The following MYO3A variants were observed in gnomAD, a reference collection of about 807,000 sequenced individuals.
The protein encoded by MYO3A is myosin IIIA.
In MYO3A, 180 loss-of-function variants were observed where a neutral mutation model predicts 192.7. That is an observed-to-expected ratio of 0.93 (90% CI 0.83 to 1.06). The LOEUF is 1.06. Among genes scored for constraint, MYO3A ranks in the 50% least tolerant of loss-of-function variants. The probability of loss-of-function intolerance (pLI) is 0.00; values close to 1 mark genes in which losing one functional copy is unlikely to be tolerated. For missense variants in MYO3A, 1,896 were observed against 1,905.0 expected (o/e 1.00, Z 0.09); for synonymous variants, 628 against 645.3 (o/e 0.97, Z 0.41).
intron 29 of MYO3A, among the ~76,000 whole-genome samples, chr10:26,173,355 A>AC (rs1842149017): frequency 6.6e-6 from 1 of 152,178 alleles, no homozygotes; most frequent in Non-Finnish European, 1.5e-5. Flanking sequence ...AAAAGGATAT[A>AC]TTTTGAAAGG....
chr10:26,154,645 T>C (rs1419048859), intron 24 of MYO3A, 101 bp from the exon 25 acceptor site: 6 of 1,002,722 alleles, frequency 6.0e-6, no homozygotes, highest in African/African-American at 1.6e-5. Flanking sequence ...CATATTTGAA[T>C]GCATAAACTA....
Position 26,174,051 on chromosome 10 carries a change from A to G in MYO3A, c.3787A>G (p.Ile1263Val), listed in dbSNP as rs1842187692. 1.2e-6 allele frequency: 2 copies of G among 1,614,018 alleles called. No individual in the cohort carries two copies. Among genetic ancestry groups the G allele is most frequent in the Non-Finnish European group, 1.7e-6 (2 of 1,180,018 alleles). Reference sequence around the variant, plus strand: ...AGCAGCATATCTAGAAAGGAAGGCCATATCAGAAAGGCCAAGCTACCCAGT... The same window carrying G: ...AGCAGCATATCTAGAAAGGAAGGCCGTATCAGAAAGGCCAAGCTACCCAGT... ...SKAAYLERKA[I>V]SERPSYPVPW... is the part of the protein sequence containing the mutation. Residue 1263 changes from isoleucine to valine, a missense_variant, in exon 30 of 35, where the codon ATA (isoleucine) becomes GTA (valine). Ile to Val is a conservative substitution (Grantham distance 29). Coordinates refer to ENST00000642920, the MANE Select transcript of MYO3A (RefSeq NM_017433.5).
intron 6 of MYO3A, among the ~76,000 whole-genome samples, chr10:26,010,657 T>G (rs1841589490): frequency 6.6e-6 from 1 of 151,870 alleles, no homozygotes; most frequent in Non-Finnish European, 1.5e-5. Context: ...AGAGACGAGG[T>G]TTCACCATAT....
chr10:26,066,076 C>T (rs1357187145), intron 10 of MYO3A, among the ~76,000 whole-genome samples: 1 of 39,220 alleles, frequency 2.5e-5, no homozygotes, highest in Non-Finnish European at 7.4e-5. Flanking sequence ...GAGTCGAGAT[C>T]GCGCCACTGC....
chr10:26,131,984 A>G (rs2131775172), intron 20 of MYO3A, among the ~76,000 whole-genome samples: 1 of 152,342 alleles, frequency 6.6e-6, no homozygotes, highest in South Asian at 2.1e-4. Context: ...TAGTATTCAT[A>G]TTTCAGCCTT....
At chr10:26,029,601 T>C (rs950714712) in intron 10 of MYO3A, among the ~76,000 whole-genome samples, 9 of 152,222 alleles carry the variant, frequency 5.9e-5, no homozygotes, top group Non-Finnish European at 1.2e-4. Flanking sequence ...TTTTCATTTA[T>C]ATAATTTCTT....
At chr10:26,050,364 AC>A (rs1325649959) in intron 10 of MYO3A, among the ~76,000 whole-genome samples, 5 of 152,168 alleles carry the variant, frequency 3.3e-5, no homozygotes, top group Non-Finnish European at 7.3e-5. Context: ...AAAGGTAAAC[AC>A]CATCAACCTT....
chr10:25,942,803 T>C (rs1353113539), intron 2 of MYO3A, among the ~76,000 whole-genome samples: 12 of 139,892 alleles, frequency 8.6e-5, no homozygotes, highest in Non-Finnish European at 1.6e-5. Flanking sequence ...TTTTTTTTTT[T>C]AGTTGTAGAG....
At chr10:26,163,445 G>A (rs1306804841) in intron 26 of MYO3A, among the ~76,000 whole-genome samples, 2 of 152,132 alleles carry the variant, frequency 1.3e-5, no homozygotes, top group Non-Finnish European at 2.9e-5. Flanking sequence ...CTAGTTGGGA[G>A]GCAATTGCAA....
chr10:26,031,361 C>T (rs1052409409), intron 10 of MYO3A, among the ~76,000 whole-genome samples: 2 of 152,224 alleles, frequency 1.3e-5, no homozygotes, highest in Non-Finnish European at 2.9e-5. Context: ...CCTGCAGTGA[C>T]ACTAGTTTCT....
intron 4 of MYO3A, among the ~76,000 whole-genome samples, chr10:25,960,504 A>G (rs182015303): frequency 6.6e-6 from 1 of 152,048 alleles, no homozygotes; most frequent in Admixed American, 6.5e-5. Context: ...CAGAAGCCTT[A>G]CTGATAACAT....
intron 7 of MYO3A, among the ~76,000 whole-genome samples, chr10:26,020,581 T>C (rs1842249707): frequency 6.6e-6 from 1 of 151,782 alleles, no homozygotes; most frequent in Non-Finnish European, 1.5e-5. Flanking sequence ...TCTGCCATCA[T>C]TCTAAAAATA....
chr10:26,153,017 G>T (rs1217701469), intron 23 of MYO3A, among the ~76,000 whole-genome samples: 1 of 152,170 alleles, frequency 6.6e-6, no homozygotes, highest in Non-Finnish European at 1.5e-5. Context: ...GACAAGAAAT[G>T]ATCTTTCTGA....
At chr10:26,085,988 C>G (rs1287499932) in intron 14 of MYO3A, among the ~76,000 whole-genome samples, 1 of 152,110 alleles carries the variant, frequency 6.6e-6, no homozygotes, top group Non-Finnish European at 1.5e-5. Context: ...CTCCAGTGTG[C>G]TCCTTTAGTT....
intron 34 of MYO3A, among the ~76,000 whole-genome samples, chr10:26,211,328 T>C (rs1844209628): frequency 6.6e-6 from 1 of 152,186 alleles, no homozygotes; most frequent in Non-Finnish European, 1.5e-5. Context: ...ATTGAAAACA[T>C]TGAAACACTG....
chr10:26,008,755 TAGG>T (rs1242907001), intron 6 of MYO3A, among the ~76,000 whole-genome samples: 1 of 151,552 alleles, frequency 6.6e-6, no homozygotes, highest in African/African-American at 2.4e-5. Flanking sequence ...TGTGGAGAAA[TAGG>T]AACACTTTCA....
intron 4 of MYO3A, among the ~76,000 whole-genome samples, chr10:25,984,087 A>T (rs7094242): frequency 0.012 from 1,786 of 152,320 alleles, 42 homozygotes; most frequent in African/African-American, 0.038. Context: ...CCAAGCCAGC[A>T]CTACAAGAAC....
intron 4 of MYO3A, among the ~76,000 whole-genome samples, chr10:25,968,403 A>G (rs1480604654): frequency 6.6e-6 from 1 of 152,246 alleles, no homozygotes; most frequent in Non-Finnish European, 1.5e-5. Flanking sequence ...AAAAAATGTC[A>G]AAGAACATTT....
Position 26,101,830 on chromosome 10 carries a change from T to C in MYO3A, c.1776+5148T>C, listed in dbSNP as rs541836510. ...CCTTTCTCTCTGGCTGCCCTTAATA[T>C]TTTTTCCTTCATTTCAACCTTGGTG... On this transcript the variant is annotated intron_variant, in intron 17 of 34. Coordinates refer to ENST00000642920, the MANE Select transcript of MYO3A (RefSeq NM_017433.5). 2.2e-4 allele frequency among the ~76,000 whole-genome samples: 34 copies of C among 152,344 alleles called. 1 individual carries two copies. The South Asian group carries it at 7.1e-3, about 32-fold the overall frequency.
Sources: allele counts gnomAD v4.1 joint callset (sites outside exome capture counted in the v4.1 genomes callset), GRCh38; gene constraint gnomAD v4.1.1; transcripts MANE v1.5; gene names NCBI Gene and HGNC (gene_info 2026-07-23, HGNC 2026-07-21).